Variants in SRD5A2 observed in about 807,000 individuals in gnomAD.
The protein encoded by SRD5A2 is steroid 5 alpha-reductase 2.
A neutral mutation model predicts 27.4 loss-of-function variants in SRD5A2; 30 were observed. That is an observed-to-expected ratio of 1.10 (90% CI 0.82 to 1.49). SRD5A2 has a LOEUF of 1.49. Ranked by LOEUF, SRD5A2 falls within the 40% of genes most tolerant of loss-of-function variation. The pLI, the probability that SRD5A2 is intolerant of heterozygous loss-of-function variation, is 0.00. For synonymous variants in SRD5A2, 141 were observed against 133.6 expected (o/e 1.06, Z -0.38); for missense variants, 348 against 323.4 (o/e 1.08, Z -0.58).
the SRD5A2 span, among the ~76,000 whole-genome samples, chr2:31,651,159 C>A: frequency 6.6e-6 from 1 of 152,128 alleles, no homozygotes; most frequent in Non-Finnish European, 1.5e-5. Flanking sequence ...TCCCACCCAT[C>A]CCTGGCTCTC....
chr2:31,596,291 G>A, the SRD5A2 span, among the ~76,000 whole-genome samples: 35 of 149,378 alleles, frequency 2.3e-4, no homozygotes, highest in African/African-American at 7.9e-4. Flanking sequence ...GAGAGGCTGA[G>A]ACAGGAGAAT....
the SRD5A2 span, among the ~76,000 whole-genome samples, chr2:31,589,983 C>G: frequency 6.6e-6 from 1 of 152,090 alleles, no homozygotes; most frequent in Non-Finnish European, 1.5e-5. Flanking sequence ...TGAGGCCCGT[C>G]ACTGCCTGTT....
rs1244340673 is a variant in SRD5A2, at chr2:31,523,139, T to C, written c.*3057A>G. 2 of 215,936 alleles carry C rather than the reference T, an allele frequency of 9.3e-6. No individual in the cohort carries two copies. Among genetic ancestry groups the C allele is most frequent in the Admixed American group, 5.8e-5 (1 of 17,166 alleles). 13.4% of individuals were successfully genotyped at this position (215,936 alleles called of 1,614,324 possible). ...ATTAGGGATAAGGGGGTTTATGACC[T>C]GAAACCTTTTTTCCATGCTGAACAC... On this transcript the variant is annotated 3_prime_UTR_variant, in exon 5 of 5. Transcript: ENST00000622030.
At chr2:31,611,987 G>C in the SRD5A2 span, among the ~76,000 whole-genome samples, 1 of 152,080 alleles carries the variant, frequency 6.6e-6, no homozygotes, top group African/African-American at 2.4e-5. Context: ...TATATATTAA[G>C]GATAAACTGG....
chr2:31,624,978 A>C, the SRD5A2 span, among the ~76,000 whole-genome samples: 2 of 152,240 alleles, frequency 1.3e-5, no homozygotes, highest in Non-Finnish European at 2.9e-5. Flanking sequence ...TCCCACCAAC[A>C]GAGTAAAAGT....
upstream of SRD5A2, among the ~76,000 whole-genome samples, chr2:31,585,618 T>A (rs915128956): frequency 6.6e-6 from 1 of 152,142 alleles, no homozygotes; most frequent in Non-Finnish European, 1.5e-5. Flanking sequence ...ACCTGCTAGC[T>A]GAAAAGCCCT....
At chr2:31,568,217 G>A (rs977323995) in intron 1 of SRD5A2, among the ~76,000 whole-genome samples, 4 of 152,124 alleles carry the variant, frequency 2.6e-5, no homozygotes, top group African/African-American at 7.2e-5. Flanking sequence ...TGGGCTCCCC[G>A]AAGGGTCCCA....
the SRD5A2 span, among the ~76,000 whole-genome samples, chr2:31,628,044 G>T: frequency 3.9e-5 from 6 of 151,988 alleles, no homozygotes; most frequent in Non-Finnish European, 7.4e-5. Flanking sequence ...TTTCTGCCTC[G>T]ATGATTTATC....
the SRD5A2 span, among the ~76,000 whole-genome samples, chr2:31,600,294 T>C: frequency 6.6e-6 from 1 of 151,996 alleles, no homozygotes; most frequent in African/African-American, 2.4e-5. Flanking sequence ...AATAAACACA[T>C]GAGTGCACAC....
the SRD5A2 span, among the ~76,000 whole-genome samples, chr2:31,598,191 T>C: frequency 6.6e-6 from 1 of 151,952 alleles, no homozygotes; most frequent in Non-Finnish European, 1.5e-5. Flanking sequence ...ATGAAGTAAC[T>C]CAGGAATGAA....
intron 1 of SRD5A2, among the ~76,000 whole-genome samples, chr2:31,562,377 G>A (rs1241949561): frequency 6.6e-6 from 1 of 152,060 alleles, no homozygotes; most frequent in African/African-American, 2.4e-5. Context: ...GATCCTTACT[G>A]TTACAAACAA....
chr2:31,649,724 A>G, the SRD5A2 span, among the ~76,000 whole-genome samples: 2 of 152,096 alleles, frequency 1.3e-5, no homozygotes, highest in Non-Finnish European at 2.9e-5. Flanking sequence ...ATTTTTCAGT[A>G]TAGCATTTTT....
rs769259821 is a variant in SRD5A2, at chr2:31,580,787, C to CGA, written c.113_114insTC (p.Glu38AspfsTer4). The CGA allele has an allele frequency of 6.2e-7, 1 of 1,612,130 alleles. No individual in the cohort carries two copies. The highest frequency in any genetic ancestry group is 1.1e-5 in the South Asian group (1 of 91,062). Reference sequence around the variant, plus strand: ...GGCGGGTAGCCGCCGGCTTCAGGCTCTCCGTGTGCTTCCCGTAGCCGGAGG... The same window carrying CGA: ...GGCGGGTAGCCGCCGGCTTCAGGCTCGATCCGTGTGCTTCCCGTAGCCGGAGG... On this transcript the variant is annotated frameshift_variant, in exon 1 of 5. Transcript: ENST00000622030. LOFTEE classifies it high-confidence loss of function.
the SRD5A2 span, among the ~76,000 whole-genome samples, chr2:31,603,149 A>G: frequency 6.6e-6 from 1 of 152,066 alleles, no homozygotes; most frequent in South Asian, 2.1e-4. Flanking sequence ...ATGGGAGAAA[A>G]TTTTTTCAAT....
the SRD5A2 span, among the ~76,000 whole-genome samples, chr2:31,628,655 A>C: frequency 6.6e-6 from 1 of 152,166 alleles, no homozygotes; most frequent in South Asian, 2.1e-4. Context: ...ACCTCTTATA[A>C]GGCAGGTGTG....
chr2:31,531,715 GAA>G (rs888419015), intron 2 of SRD5A2, among the ~76,000 whole-genome samples: 1 of 152,228 alleles, frequency 6.6e-6, no homozygotes, highest in Non-Finnish European at 1.5e-5. Flanking sequence ...AGACAGATTA[GAA>G]AAGAGAGGAG....
At chr2:31,573,916 C>T (rs924800363) in intron 1 of SRD5A2, among the ~76,000 whole-genome samples, 2 of 152,228 alleles carry the variant, frequency 1.3e-5, no homozygotes, top group Admixed American at 1.3e-4. Flanking sequence ...GGTAATATGT[C>T]TCTAGTTACC....
At chr2:31,557,917 C>G (rs1156923418) in intron 1 of SRD5A2, among the ~76,000 whole-genome samples, 1 of 152,236 alleles carries the variant, frequency 6.6e-6, no homozygotes, top group Non-Finnish European at 1.5e-5. Context: ...TGCAGAGTCT[C>G]AGGTTGAACA....
chr2:31,536,759 A>G (rs751398306), intron 1 of SRD5A2, among the ~76,000 whole-genome samples: 1 of 152,222 alleles, frequency 6.6e-6, no homozygotes, highest in Non-Finnish European at 1.5e-5. Flanking sequence ...TATTAGCCCA[A>G]GAGGCTGGCA....
Sources: allele counts gnomAD v4.1 joint callset (sites outside exome capture counted in the v4.1 genomes callset), GRCh38; gene constraint gnomAD v4.1.1; transcripts MANE v1.5; gene names NCBI Gene and HGNC (gene_info 2026-07-23, HGNC 2026-07-21).